Variants in C2 observed in about 807,000 individuals in gnomAD.
The protein encoded by C2 is C3/C5 convertase.
In C2, 64 loss-of-function variants were observed where a neutral mutation model predicts 85.2. The ratio of observed to expected loss-of-function variants is 0.75; its 90% CI spans 0.61 to 0.92. C2 has a LOEUF of 0.92. C2 is among the 40% of genes least tolerant of loss of function. The pLI is 0.00. For synonymous variants in C2, 311 were observed against 370.8 expected, an observed-to-expected ratio of 0.84 and a Z score of 1.85; for missense variants, 820 against 971.6, an observed-to-expected ratio of 0.84 and a Z score of 2.07.
At chr6:31,913,873 C>T (rs755792029) in intron 1 of C2, among the ~76,000 whole-genome samples, 9 of 151,592 alleles carry the variant, frequency 5.9e-5, no homozygotes, top group Non-Finnish European at 7.4e-5. Context: ...CTCATGACCT[C>T]GTGATCTGCC....
chr6:31,934,512 C>T lies in C2; in HGVS notation c.849+213C>T, dbSNP rs635348. 1.9e-5 allele frequency: 25 copies of T among 1,282,250 alleles called. No homozygotes were observed. In the East Asian group the frequency reaches 2.3e-4, roughly 12 times the overall value. 79.4% of individuals were successfully genotyped at this position (1,282,250 alleles called of 1,614,324 possible). ...GTTGGGACACTGTGCTGGGGCTGGG[C>T]GACAGCAAAGATGGAAAGGCTGAGG... On this transcript the variant is annotated intron_variant, in intron 6 of 17. Transcript: ENST00000299367.
At chr6:31,901,312 G>A (rs1767240286) in intron 1 of C2, 2 of 1,602,280 alleles carry the variant, frequency 1.2e-6, no homozygotes, top group Non-Finnish European at 1.7e-6. Context: ...CCATTGTGGC[G>A]GGGGTGGGCA....
chr6:31,928,357 T>C (rs1769435858), intron 2 of C2, among the ~76,000 whole-genome samples, 193 bp downstream of exon 2: 1 of 152,156 alleles, frequency 6.6e-6, no homozygotes, highest in South Asian at 2.1e-4. Flanking sequence ...ATGGAGACTG[T>C]GGGGTACTAA....
rs1767258231 is a variant in C2, at chr6:31,901,436, T to G, written c.73+297T>G. 4 of 997,756 alleles carry G rather than the reference T, an allele frequency of 4.0e-6. No homozygotes were observed. The East Asian group carries it at 1.1e-4, about 26-fold the overall frequency. 61.8% of individuals were successfully genotyped at this position (997,756 alleles called of 1,614,324 possible). On this transcript the variant is annotated intron_variant, in intron 1 of 3. Transcript: ENST00000452202. ...AGCCCCCCGGCATCCGATCTCCCGGTCTTCAGATTTCTTCCTCAGTTTCCC... is the reference window on the plus strand; with the variant it reads ...AGCCCCCCGGCATCCGATCTCCCGGGCTTCAGATTTCTTCCTCAGTTTCCC...
rs1177439815 is a variant in C2 at position 31,927,970 on chromosome 6, C to A, written c.62C>A (p.Ala21Asp). 2 of 1,614,032 alleles carry A rather than the reference C, an allele frequency of 1.2e-6. No homozygotes were observed. Among genetic ancestry groups the A allele is most frequent in the Non-Finnish European group, 8.5e-7 (1 of 1,180,010 alleles). The change falls in exon 2 of 18, where the codon GCT becomes GAT. Residue 21 changes from alanine (A) to aspartate (D), a missense_variant. Transcript: ENST00000299367. The surrounding 1 kb of genome is among the most constrained non-coding windows in gnomAD (Gnocchi z 4.7). ...LFLYPGLADS[A>D]PSCPQNVNIS... The stretch of plus-strand genomic sequence containing the variant: ...ACGGCTCTAGGTCTGGCAGACTCGG[C>A]TCCCTCCTGCCCTCAGAACGTGAAT...
rs1768993073 is a variant in C2 at position 31,921,812 on chromosome 6, C to T, written c.-100+1786C>T. ...GTCCTGCTAATATGAAGTCTTCCTC[C>T]CCCAGAAGCAGACCTGGAGACAAGG... On this transcript the variant is annotated intron_variant, in intron 1 of 3. Coordinates refer to the C2 transcript ENST00000413154. The surrounding 1 kb of genome is among the most constrained non-coding windows in gnomAD (Gnocchi z 4.6). 6.6e-6 allele frequency among the ~76,000 whole-genome samples: 1 copy of T among 152,120 alleles called. No individual in the cohort carries two copies. The highest frequency in any genetic ancestry group is 1.9e-4 in the East Asian group (1 of 5,192).
chr6:31,907,996 G>C (rs184069776), intron 1 of C2, among the ~76,000 whole-genome samples: 14 of 151,600 alleles, frequency 9.2e-5, no homozygotes, highest in Middle Eastern at 3.4e-3. Context: ...ACGGACGTCT[G>C]CCACCACGCC....
chr6:31,937,117 G>A (rs1770478795), intron 7 of C2: 2 of 579,092 alleles, frequency 3.5e-6, no homozygotes, highest in Non-Finnish European at 6.1e-6. Context: ...ACTGAGGCAT[G>A]AGAATCACTT....
upstream of C2, among the ~76,000 whole-genome samples, chr6:31,924,826 T>G (rs1001893383): frequency 6.6e-6 from 1 of 152,220 alleles, no homozygotes; most frequent in Non-Finnish European, 1.5e-5. Context: ...TCTCTCCTAT[T>G]CTGATGTGCC....
upstream of C2, among the ~76,000 whole-genome samples, chr6:31,926,335 C>CTTT (rs9281627): frequency 3.5e-5 from 5 of 143,862 alleles, no homozygotes; most frequent in Admixed American, 6.9e-5. Flanking sequence ...TTTGTGTACT[C>CTTT]TTTTTTTTTT....
Position 31,904,459 on chromosome 6 carries a change from G to A in C2, c.73+3320G>A, listed in dbSNP as rs1165615652. 6.6e-6 allele frequency among the ~76,000 whole-genome samples: 1 copy of A among 151,792 alleles called. No individual in the cohort carries two copies. The highest frequency in any genetic ancestry group is 1.5e-5 in the Non-Finnish European group (1 of 67,976). ...CTCCCAAGTAGCTGGGATTACAGGT[G>A]CCCGCCACCATGCCTAGCTAATTTT... On this transcript the variant is annotated intron_variant, in intron 1 of 3. Coordinates refer to the C2 transcript ENST00000452202. The surrounding 1 kb of genome is among the most constrained non-coding windows in gnomAD (Gnocchi z 4.4).
intron 1 of C2, among the ~76,000 whole-genome samples, chr6:31,909,986 T>G (rs147593461): frequency 0.011 from 1,608 of 151,750 alleles, 38 homozygotes; most frequent in East Asian, 0.031. Context: ...GTTCAAGGGA[T>G]TCTCCTGCCT....
chr6:31,907,678 AATTT>A (rs1293211069), intron 1 of C2, among the ~76,000 whole-genome samples: 2 of 150,446 alleles, frequency 1.3e-5, no homozygotes, highest in South Asian at 2.1e-4. Context: ...TTCCTGGACT[AATTT>A]ATTTATTTAT....
intron 3 of C2, among the ~76,000 whole-genome samples, chr6:31,932,793 A>T (rs1265911): frequency 6.6e-6 from 1 of 152,146 alleles, no homozygotes; most frequent in Non-Finnish European, 1.5e-5. Flanking sequence ...GTAGCGAGCC[A>T]AGATCACGCC....
chr6:31,934,392 C>T, intron 6 of C2, 93 bp downstream of exon 6: 1 of 1,509,124 alleles, frequency 6.6e-7, no homozygotes, highest in Non-Finnish European at 9.2e-7. Context: ...CACTCACAGC[C>T]CACCTCCTCC....
Position 31,944,295 on chromosome 6 carries a change from C to A in C2, c.1902+69C>A. 9.0e-7 allele frequency: 1 copy of A among 1,112,958 alleles called. No individual in the cohort carries two copies. The highest frequency in any genetic ancestry group is 1.4e-6 in the Non-Finnish European group (1 of 726,514). 68.9% of individuals were successfully genotyped at this position (1,112,958 alleles called of 1,614,324 possible). On this transcript the variant is annotated intron_variant, in intron 15 of 17. Coordinates refer to ENST00000299367, the MANE Select transcript of C2 (RefSeq NM_000063.6). This position sits in a 1 kb window ranked among gnomAD's most constrained non-coding sequence, Gnocchi z 5.1. ...CTCCCAGAATGTCTCTCTTCCTTCT[C>A]CAGGTCTGGCTGCTTTCTCTCTCTG...
chr6:31,898,200 T>C (rs533305057), upstream of C2, among the ~76,000 whole-genome samples: 4 of 152,314 alleles, frequency 2.6e-5, no homozygotes, highest in East Asian at 7.7e-4. Flanking sequence ...CAGCGTGCCC[T>C]TCTGAAAACC....
rs9332720 is a variant in C2 at position 31,934,980 on chromosome 6, C to T, written c.849+681C>T. On this transcript the variant is annotated intron_variant, in intron 6 of 17. Coordinates refer to ENST00000299367, the MANE Select transcript of C2 (RefSeq NM_000063.6). ...CTGAGATCACGCCATTGCACTCCAG[C>T]CTGGGCAACTAGAGCAAAACTCTGT... The T allele has an allele frequency of 4.0e-3, 2,183 of 541,528 alleles. 34 individuals are homozygous for T. The highest frequency in any genetic ancestry group is 0.035 in the African/African-American group (1,698 of 48,786). 33.5% of individuals were successfully genotyped at this position (541,528 alleles called of 1,614,324 possible). A position where few individuals can be genotyped will look rare whatever the true frequency, so the allele number is the denominator to read the frequency against.
At chr6:31,922,779 T>C (rs1045019204), upstream of C2, among the ~76,000 whole-genome samples, 1 of 151,936 alleles carries the variant, frequency 6.6e-6, no homozygotes, top group Non-Finnish European at 1.5e-5. This position sits in a 1 kb window ranked among gnomAD's most constrained non-coding sequence, Gnocchi z 4.8. Context: ...GAGGTGGAGG[T>C]TGCAGTGAGC....
Sources: allele counts gnomAD v4.1 joint callset (sites outside exome capture counted in the v4.1 genomes callset), GRCh38; gene constraint gnomAD v4.1.1; non-coding constraint Gnocchi (gnomAD v3.1); transcripts MANE v1.5; gene names NCBI Gene and HGNC (gene_info 2026-07-23, HGNC 2026-07-21).